Variants in FAM78B observed in about 807,000 individuals in gnomAD.
FAM78B encodes protein FAM78B.
In FAM78B, 10 loss-of-function variants were observed where a neutral mutation model predicts 20.0. The ratio of observed to expected loss-of-function variants is 0.50; its 90% CI spans 0.31 to 0.85. The LOEUF (loss-of-function observed/expected upper bound fraction) is 0.85, where lower values mean the gene tolerates loss of function less well. FAM78B is among the 40% of genes least tolerant of loss of function. The pLI is 0.05. For missense variants in FAM78B, 283 were observed against 345.0 expected, an observed-to-expected ratio of 0.82 and a Z score of 1.42; for synonymous variants, 135 against 132.8, an observed-to-expected ratio of 1.02 and a Z score of -0.12.
At chr1:166,101,425 A>T (rs1191451296) in intron 1 of FAM78B, among the ~76,000 whole-genome samples, 2 of 152,192 alleles carry the variant, frequency 1.3e-5, no homozygotes, top group Non-Finnish European at 2.9e-5. Context: ...CATGGTGAGG[A>T]AGTTCAAACC....
chr1:166,142,404 C>T (rs1433618885), intron 1 of FAM78B, among the ~76,000 whole-genome samples: 1 of 152,212 alleles, frequency 6.6e-6, no homozygotes, highest in African/African-American at 2.4e-5. Flanking sequence ...GGGGCAGCAG[C>T]AGAAGCCTGA....
At chr1:166,056,321 G>T (rs867470357), downstream of FAM78B, among the ~76,000 whole-genome samples, 1 of 152,046 alleles carries the variant, frequency 6.6e-6, no homozygotes, top group Non-Finnish European at 1.5e-5. Context: ...ATGAATGAAT[G>T]AATGTGAATT....
chr1:166,142,738 T>A (rs911051554), intron 1 of FAM78B, among the ~76,000 whole-genome samples: 2 of 152,244 alleles, frequency 1.3e-5, no homozygotes, highest in Non-Finnish European at 2.9e-5. Flanking sequence ...CTCTAGGCAC[T>A]TTTTAAATGA....
intron 1 of FAM78B, among the ~76,000 whole-genome samples, chr1:166,153,485 C>T (rs942475724): frequency 1.3e-5 from 2 of 152,226 alleles, no homozygotes; most frequent in African/African-American, 4.8e-5. Context: ...GCCAATCGAT[C>T]AGACAGGCAG....
At chr1:166,094,607 A>G (rs10436882) in intron 1 of FAM78B, among the ~76,000 whole-genome samples, 7,046 of 152,296 alleles carry the variant, frequency 0.046, 532 homozygotes, top group African/African-American at 0.16. Flanking sequence ...TAGAAGACTG[A>G]TAATGCAGGA....
downstream of FAM78B, among the ~76,000 whole-genome samples, chr1:166,065,223 G>A (rs138892074): frequency 1.3e-4 from 20 of 152,320 alleles, 1 homozygote; most frequent in African/African-American, 4.3e-4. Context: ...ACGGAGTGAA[G>A]GTCTGGGGTA....
downstream of FAM78B, among the ~76,000 whole-genome samples, chr1:166,064,367 CT>C (rs1557885425): frequency 6.6e-6 from 1 of 152,124 alleles, no homozygotes; most frequent in Non-Finnish European, 1.5e-5. Context: ...AATCTCTTGT[CT>C]GAGACCATAA....
downstream of FAM78B, among the ~76,000 whole-genome samples, chr1:166,067,753 A>G (rs1362252175): frequency 6.6e-6 from 1 of 152,236 alleles, no homozygotes; most frequent in Non-Finnish European, 1.5e-5. Flanking sequence ...CCAACTGTAG[A>G]GTTCACAATG....
At chr1:166,066,179 G>A (rs1473308963), downstream of FAM78B, among the ~76,000 whole-genome samples, 1 of 152,068 alleles carries the variant, frequency 6.6e-6, no homozygotes, top group Non-Finnish European at 1.5e-5. Context: ...TTGGCCTTGT[G>A]GTGCTTAAAG....
intron 2 of FAM78B, among the ~76,000 whole-genome samples, chr1:166,064,177 AG>A (rs1287286504): frequency 6.6e-6 from 1 of 152,144 alleles, no homozygotes; most frequent in Non-Finnish European, 1.5e-5. Context: ...ATATGCCTCC[AG>A]TGTGGTGAGA....
chr1:166,138,747 T>C (rs2101786707), intron 1 of FAM78B, among the ~76,000 whole-genome samples: 1 of 152,362 alleles, frequency 6.6e-6, no homozygotes, highest in Admixed American at 6.5e-5. Flanking sequence ...TGTTTTTGAA[T>C]TGTTTCTGTT....
At chr1:166,102,412 C>A (rs1358305689) in intron 1 of FAM78B, among the ~76,000 whole-genome samples, 2 of 152,096 alleles carry the variant, frequency 1.3e-5, no homozygotes, top group Non-Finnish European at 2.9e-5. Context: ...CACAGACTGG[C>A]AAATTGGATA....
chr1:166,120,694 A>G (rs1017221233), intron 1 of FAM78B, among the ~76,000 whole-genome samples: 2 of 152,236 alleles, frequency 1.3e-5, no homozygotes, highest in African/African-American at 4.8e-5. Context: ...AGCTTCCAGC[A>G]GAATCTGAAG....
intron 1 of FAM78B, among the ~76,000 whole-genome samples, chr1:166,107,616 G>A (rs1653838399): frequency 1.3e-5 from 2 of 152,218 alleles, no homozygotes; most frequent in Admixed American, 1.3e-4. Context: ...ACAAGATGGA[G>A]AAGGAACCTT....
chr1:166,156,868 A>AAGGGCTC (rs1655916552), intron 1 of FAM78B, among the ~76,000 whole-genome samples: 1 of 151,968 alleles, frequency 6.6e-6, no homozygotes, highest in Admixed American at 6.6e-5. Context: ...GTTACCAAAG[A>AAGGGCTC]AGGGCTCAGG....
intron 1 of FAM78B, among the ~76,000 whole-genome samples, chr1:166,103,767 C>A (rs1394623616): frequency 6.6e-6 from 1 of 152,162 alleles, no homozygotes; most frequent in African/African-American, 2.4e-5. Flanking sequence ...CGAATTCCAC[C>A]AGAGCTTCAA....
chr1:166,119,693 G>A (rs555230712), intron 1 of FAM78B, among the ~76,000 whole-genome samples: 1 of 152,252 alleles, frequency 6.6e-6, no homozygotes, highest in East Asian at 1.9e-4. Flanking sequence ...ATCTCTCTTG[G>A]ACAGACAGGA....
chr1:166,148,374 T>C (rs1047874922), intron 1 of FAM78B, among the ~76,000 whole-genome samples: 5 of 152,202 alleles, frequency 3.3e-5, no homozygotes, highest in African/African-American at 1.2e-4. Context: ...TATATAAGCA[T>C]GATGGTAGGC....
chr1:166,131,445 T>C (rs1386198217), intron 1 of FAM78B, among the ~76,000 whole-genome samples: 1 of 152,148 alleles, frequency 6.6e-6, no homozygotes, highest in East Asian at 1.9e-4. Flanking sequence ...TGTTCCACGT[T>C]ACAGAGGGGG....
Sources: gnomAD v4.1 joint callset for allele counts (sites outside exome capture counted in the v4.1 genomes callset) on GRCh38, gnomAD v4.1.1 for gene constraint, MANE v1.5 for transcripts, NCBI Gene and HGNC (gene_info 2026-07-23, HGNC 2026-07-21) for gene names.